ARHGEF4: variants seen among roughly 807,000 people sequenced by gnomAD.
The protein encoded by ARHGEF4 is APC-stimulated guanine nucleotide exchange factor 1.
In ARHGEF4, 119 loss-of-function variants were observed where a neutral mutation model predicts 162.0. The ratio of observed to expected loss-of-function variants is 0.73; its 90% CI spans 0.63 to 0.86. The LOEUF (loss-of-function observed/expected upper bound fraction) is 0.86. Among genes scored for constraint, ARHGEF4 ranks in the 40% least tolerant of loss-of-function variants. The probability of loss-of-function intolerance (pLI) is 0.00; values close to 1 mark genes in which losing one functional copy is unlikely to be tolerated. For synonymous variants in ARHGEF4, 1,014 were observed against 979.9 expected, an observed-to-expected ratio of 1.03 and a Z score of -0.65; for missense variants, 2,488 against 2,456.0, an observed-to-expected ratio of 1.01 and a Z score of -0.28.
chr2:130,871,491 G>A (rs1017782991), intron 1 of ARHGEF4, among the ~76,000 whole-genome samples: 9 of 151,710 alleles, frequency 5.9e-5, no homozygotes, highest in African/African-American at 9.7e-5. Flanking sequence ...AGCCAAGATC[G>A]AGTCATTGTA....
chr2:131,000,420 A>G (rs1687690501), intron 4 of ARHGEF4, among the ~76,000 whole-genome samples: 1 of 152,104 alleles, frequency 6.6e-6, no homozygotes. Flanking sequence ...CTTTTGTCTT[A>G]TTTTGGAATC....
chr2:131,016,098 C>T (rs1250594274), intron 4 of ARHGEF4, among the ~76,000 whole-genome samples: 3 of 152,126 alleles, frequency 2.0e-5, no homozygotes, highest in Admixed American at 1.3e-4. Context: ...GCAGCAACCC[C>T]ACCCTCTTGC....
At chr2:131,026,900 C>A (rs1432555264) in intron 4 of ARHGEF4, among the ~76,000 whole-genome samples, 1 of 152,206 alleles carries the variant, frequency 6.6e-6, no homozygotes, top group Non-Finnish European at 1.5e-5. Flanking sequence ...TTTTCCCCAA[C>A]TGGACAAATA....
At chr2:130,960,755 G>T (rs1684578417) in intron 4 of ARHGEF4, among the ~76,000 whole-genome samples, 1 of 152,022 alleles carries the variant, frequency 6.6e-6, no homozygotes, top group African/African-American at 2.4e-5. Flanking sequence ...ACCAGTCTTT[G>T]TCCCCAGAGA....
At chr2:131,039,585 G>A (rs1690600698) in intron 6 of ARHGEF4, 1 of 1,042,024 alleles carries the variant, frequency 9.6e-7, no homozygotes, top group Non-Finnish European at 1.2e-6. Context: ...GTGTTCAGAT[G>A]CTCCTCCTGC....
chr2:130,946,581 A>C lies in ARHGEF4; in HGVS notation c.3931A>C (p.Ser1311Arg). ...TAGAAGAAGCCATCCACTCTCCCAGAGTGCTCCAACGGGACTGAACCACAT... is the reference window on the plus strand; with the variant it reads ...TAGAAGAAGCCATCCACTCTCCCAGCGTGCTCCAACGGGACTGAACCACAT... ...LPRRSHPLSQ[S>R]APTGLNHMGW... The change falls in exon 4 of 14, where the codon AGT becomes CGT. Residue 1311 changes from serine to arginine, a missense_variant. By Grantham distance (110) the Ser-to-Arg change is moderately radical. Transcript: ENST00000409359. 6.2e-7 allele frequency: 1 copy of C among 1,614,108 alleles called. No individual in the cohort carries two copies. Among genetic ancestry groups the C allele is most frequent in the Middle Eastern group, 1.7e-4 (1 of 6,060 alleles).
chr2:131,029,989 T>C (rs536098353), intron 5 of ARHGEF4, among the ~76,000 whole-genome samples: 1 of 152,304 alleles, frequency 6.6e-6, no homozygotes, highest in East Asian at 1.9e-4. Context: ...TTCACATGGC[T>C]GTGACACCAG....
At chr2:130,939,170 C>G (rs1683133885) in intron 3 of ARHGEF4, among the ~76,000 whole-genome samples, 2 of 152,174 alleles carry the variant, frequency 1.3e-5, no homozygotes, top group Non-Finnish European at 2.9e-5. Context: ...GTTGTCTGTT[C>G]CTGTGTCAGT....
intron 4 of ARHGEF4, among the ~76,000 whole-genome samples, chr2:130,956,721 C>G: frequency 6.7e-6 from 1 of 150,058 alleles, no homozygotes. Flanking sequence ...ATCACAAGGA[C>G]AAAAAACCAA....
chr2:130,889,986 A>G (rs1364404435), intron 1 of ARHGEF4, among the ~76,000 whole-genome samples: 1 of 151,954 alleles, frequency 6.6e-6, no homozygotes, highest in Non-Finnish European at 1.5e-5. Flanking sequence ...TGATAATAGC[A>G]TTTTTTCCTC....
At chr2:130,933,292 ATGTC>A (rs1682751786) in intron 3 of ARHGEF4, among the ~76,000 whole-genome samples, 1 of 151,954 alleles carries the variant, frequency 6.6e-6, no homozygotes, top group Admixed American at 6.5e-5. Flanking sequence ...ATTAACTTAT[ATGTC>A]TGTCTTTATG....
At chr2:131,007,710 T>A (rs1302402234) in intron 4 of ARHGEF4, among the ~76,000 whole-genome samples, 2 of 151,872 alleles carry the variant, frequency 1.3e-5, no homozygotes, top group Non-Finnish European at 2.9e-5. Context: ...ACACTCTATA[T>A]ACTGGTTTGT....
At position 130,977,523 on chromosome 2, in the gene ARHGEF4, G is replaced by T. The variant is rs549561570; in HGVS notation, c.3985+30888G>T. ...TATGATGTGTATGTATGTTGTGCAT[G>T]TGTGGTATACATTGTGTGTATGTTC... On this transcript the variant is annotated intron_variant, in intron 4 of 13. Coordinates refer to ENST00000409359, the MANE Select transcript of ARHGEF4 (RefSeq NM_001367493.1). Among the ~76,000 whole-genome samples the T allele has an allele frequency of 5.9e-5, 9 of 151,922 alleles. No individual in the cohort carries two copies. In the South Asian group the frequency reaches 1.9e-3, roughly 31 times the overall value.
At chr2:130,905,680 G>A (rs1680771159) in intron 1 of ARHGEF4, among the ~76,000 whole-genome samples, 6 of 151,980 alleles carry the variant, frequency 3.9e-5, no homozygotes, top group Admixed American at 3.3e-4. Flanking sequence ...AATACAGTTC[G>A]ATATTTTGAG....
At chr2:130,999,447 T>C (rs575374478) in intron 4 of ARHGEF4, among the ~76,000 whole-genome samples, 132 of 152,270 alleles carry the variant, frequency 8.7e-4, no homozygotes, top group Middle Eastern at 3.4e-3. Flanking sequence ...TGAGCCACTG[T>C]GCCCGGCCAT....
At chr2:131,029,423 A>G (rs1174510368) in intron 5 of ARHGEF4, among the ~76,000 whole-genome samples, 1 of 152,190 alleles carries the variant, frequency 6.6e-6, no homozygotes, top group Non-Finnish European at 1.5e-5. Context: ...ATAAAAAATA[A>G]ACATGTAAAT....
chr2:130,918,021 C>T (rs1053630085), intron 2 of ARHGEF4, among the ~76,000 whole-genome samples: 1 of 151,790 alleles, frequency 6.6e-6, no homozygotes, highest in Non-Finnish European at 1.5e-5. Flanking sequence ...GGGGTTTCAC[C>T]ATGTTGGCCA....
At chr2:131,034,742 A>C (rs1339653615) in intron 5 of ARHGEF4, among the ~76,000 whole-genome samples, 1 of 152,086 alleles carries the variant, frequency 6.6e-6, no homozygotes, top group East Asian at 1.9e-4. Context: ...CCCCGTGGCC[A>C]TCTGTGCCAC....
At chr2:130,869,404 C>T (rs952047484) in intron 1 of ARHGEF4, among the ~76,000 whole-genome samples, 1 of 152,192 alleles carries the variant, frequency 6.6e-6, no homozygotes, top group African/African-American at 2.4e-5. Flanking sequence ...GGGTCTCTGC[C>T]TTCATCAGCT....
Sources: allele counts gnomAD v4.1 joint callset (sites outside exome capture counted in the v4.1 genomes callset), GRCh38; gene constraint gnomAD v4.1.1; transcripts MANE v1.5; gene names NCBI Gene and HGNC (gene_info 2026-07-23, HGNC 2026-07-21).